ZNF736: variants seen among roughly 807,000 people sequenced by gnomAD.
The protein encoded by ZNF736 is KRAB-containing zinc-finger repressor protein.
A neutral mutation model predicts 11.7 loss-of-function variants in ZNF736; 6 were observed. The ratio of observed to expected loss-of-function variants is 0.51; its 90% CI spans 0.28 to 1.01. The LOEUF (loss-of-function observed/expected upper bound fraction) is 1.01, where lower values mean the gene tolerates loss of function less well. Among genes scored for constraint, ZNF736 ranks in the 50% least tolerant of loss-of-function variants. The probability of loss-of-function intolerance (pLI) is 0.09; values close to 1 mark genes in which losing one functional copy is unlikely to be tolerated. For synonymous variants in ZNF736, 139 were observed against 164.7 expected, an observed-to-expected ratio of 0.84 and a Z score of 1.19; for missense variants, 444 against 496.0, an observed-to-expected ratio of 0.90 and a Z score of 1.00.
chr7:64,334,684 G>A (rs1789220135), intron 1 of ZNF736, among the ~76,000 whole-genome samples: 1 of 152,180 alleles, frequency 6.6e-6, no homozygotes, highest in Non-Finnish European at 1.5e-5. Flanking sequence ...TTACACTGTT[G>A]GTGGGAGTGT....
chr7:64,326,194 T>C (rs1026643021), intron 1 of ZNF736, among the ~76,000 whole-genome samples: 2 of 152,244 alleles, frequency 1.3e-5, no homozygotes, highest in Non-Finnish European at 1.5e-5. Flanking sequence ...TTCCAAACAC[T>C]GTACAGAATT....
At chr7:64,348,002 C>T (rs573578479) in intron 3 of ZNF736, 88 bp from the exon 4 acceptor site, 18 of 1,110,070 alleles carry the variant, frequency 1.6e-5, no homozygotes, top group East Asian at 1.3e-4. Context: ...ATTTTATTAT[C>T]GTTTTATTAA....
At position 64,320,693 on chromosome 7, in the gene ZNF736, A is replaced by G. The variant is rs1788991363; in HGVS notation, c.3+6540A>G. Among the ~76,000 whole-genome samples the G allele has an allele frequency of 2.0e-5, 3 of 152,200 alleles. No individual in the cohort carries two copies. In the South Asian group the frequency reaches 6.2e-4, roughly 32 times the overall value. ...CAGCAATCAAACAGGCATTTTGAAC[A>G]TTTAAAAGGTTTTTTTTTGAGGAAG... is the stretch of plus-strand genomic sequence containing the variant. On this transcript the variant is annotated intron_variant, in intron 1 of 3. Transcript: ENST00000423484.
chr7:64,329,427 A>G (rs62463905), intron 1 of ZNF736, among the ~76,000 whole-genome samples: 2,351 of 152,226 alleles, frequency 0.015, 30 homozygotes, highest in Non-Finnish European at 0.021. Flanking sequence ...GGAATTGAGT[A>G]TTGTAATCTG....
intron 3 of ZNF736, among the ~76,000 whole-genome samples, chr7:64,345,013 A>ATTATTTAT (rs138933337): frequency 0.21 from 29,397 of 141,768 alleles, 3,230 homozygotes; most frequent in Admixed American, 0.25. Context: ...AATTTATTTT[A>ATTATTTAT]TTATTTATTT....
At chr7:64,324,961 T>C (rs1047262749) in intron 1 of ZNF736, among the ~76,000 whole-genome samples, 6 of 152,240 alleles carry the variant, frequency 3.9e-5, no homozygotes, top group African/African-American at 9.6e-5. Context: ...ACCTTTGTTT[T>C]TCTGTTTATG....
At chr7:64,316,366 C>G (rs1788918472) in intron 1 of ZNF736, among the ~76,000 whole-genome samples, 1 of 152,154 alleles carries the variant, frequency 6.6e-6, no homozygotes, top group African/African-American at 2.4e-5. Flanking sequence ...CAATCAGGTG[C>G]TGATATTGAG....
intron 1 of ZNF736, among the ~76,000 whole-genome samples, chr7:64,334,975 C>T (rs536270727): frequency 3.1e-4 from 47 of 152,250 alleles, no homozygotes; most frequent in African/African-American, 1.1e-3. Flanking sequence ...AATGAGTTCA[C>T]GTCCTTTGCT....
chr7:64,345,517 T>A (rs1789397797), intron 3 of ZNF736, among the ~76,000 whole-genome samples: 1 of 151,100 alleles, frequency 6.6e-6, no homozygotes, highest in Non-Finnish European at 1.5e-5. Flanking sequence ...CATCATAAGG[T>A]AAGGAGATCG....
intron 1 of ZNF736, among the ~76,000 whole-genome samples, chr7:64,317,143 A>T (rs1388365246): frequency 6.6e-6 from 1 of 152,192 alleles, no homozygotes; most frequent in African/African-American, 2.4e-5. Context: ...ATAAAAAGAT[A>T]TTTCCCACCA....
chr7:64,314,486 G>A (rs1004623007), intron 1 of ZNF736, among the ~76,000 whole-genome samples: 5 of 152,136 alleles, frequency 3.3e-5, no homozygotes, highest in African/African-American at 1.2e-4. Flanking sequence ...CTCATTTAGG[G>A]TCTGGAGTTC....
chr7:64,321,939 TAAG>T (rs1485729716), intron 1 of ZNF736, among the ~76,000 whole-genome samples: 1 of 152,232 alleles, frequency 6.6e-6, no homozygotes, highest in African/African-American at 2.4e-5. Context: ...GTTTATAAAG[TAAG>T]AAGCAGAATA....
chr7:64,318,267 T>G (rs1788944106), intron 1 of ZNF736, among the ~76,000 whole-genome samples: 1 of 151,980 alleles, frequency 6.6e-6, no homozygotes. Context: ...TAGCATTTTG[T>G]CTTACTTGGA....
rs17139103 is a variant in ZNF736 at position 64,355,680 on chromosome 7, C to T, written c.*6533C>T. On this transcript the variant is annotated 3_prime_UTR_variant, in exon 4 of 4. Transcript: ENST00000423484. ...TGCACATGTGAGCCACCGCGCCTGT[C>T]CTTGATTTTAGATCTTGACACAGCA... The T allele has an allele frequency of 0.051, 7,805 of 152,658 alleles. 485 individuals are homozygous for T. The highest frequency in any genetic ancestry group is 0.35 in the East Asian group (1,802 of 5,168). 9.5% of individuals were successfully genotyped at this position (152,658 alleles called of 1,614,324 possible). A position where few individuals can be genotyped will look rare whatever the true frequency, so the allele number is the denominator to read the frequency against.
intron 1 of ZNF736, among the ~76,000 whole-genome samples, chr7:64,325,389 G>A (rs1034426883): frequency 6.6e-6 from 1 of 152,114 alleles, no homozygotes; most frequent in Admixed American, 6.5e-5. Flanking sequence ...TCTACAATTG[G>A]ATTTTGAGGC....
intron 1 of ZNF736, among the ~76,000 whole-genome samples, chr7:64,325,175 A>G (rs920088798): frequency 5.3e-5 from 8 of 152,244 alleles, no homozygotes; most frequent in Non-Finnish European, 1.2e-4. Flanking sequence ...TGTAAAAAAA[A>G]AAAAAAGTTG....
At chr7:64,330,042 T>C (rs1478778039) in intron 1 of ZNF736, among the ~76,000 whole-genome samples, 3 of 152,008 alleles carry the variant, frequency 2.0e-5, no homozygotes, top group Non-Finnish European at 4.4e-5. Context: ...CCACCCAGAG[T>C]CCACAACAAG....
chr7:64,331,889 A>G (rs1363029514), intron 1 of ZNF736, among the ~76,000 whole-genome samples: 1 of 152,118 alleles, frequency 6.6e-6, no homozygotes, highest in African/African-American at 2.4e-5. Flanking sequence ...GGGGAAACTC[A>G]CATTTTGGTT....
intron 1 of ZNF736, among the ~76,000 whole-genome samples, chr7:64,334,511 A>G (rs1167879774): frequency 6.6e-6 from 1 of 152,232 alleles, no homozygotes; most frequent in Non-Finnish European, 1.5e-5. Flanking sequence ...AAAAGAAGAT[A>G]TTTATGCAGC....
Sources: allele counts gnomAD v4.1 joint callset (sites outside exome capture counted in the v4.1 genomes callset), GRCh38; gene constraint gnomAD v4.1.1; transcripts MANE v1.5; gene names NCBI Gene and HGNC (gene_info 2026-07-23, HGNC 2026-07-21).